CFTR: variants seen among roughly 807,000 people sequenced by gnomAD.
CFTR encodes the protein cystic fibrosis transmembrane conductance regulator.
In CFTR, 181 loss-of-function variants were observed where a neutral mutation model predicts 171.6. The ratio of observed to expected loss-of-function variants is 1.05; its 90% CI spans 0.93 to 1.19. The LOEUF is 1.19. Among genes scored for constraint, CFTR ranks in the 50% most tolerant of loss-of-function variants. The pLI is 0.00. For missense variants in CFTR, 1,968 were observed against 1,734.7 expected, an observed-to-expected ratio of 1.13 and a Z score of -2.39; for synonymous variants, 583 against 608.0, an observed-to-expected ratio of 0.96 and a Z score of 0.60.
At chr7:117,598,236 G>T (rs1157328413) in intron 15 of CFTR, among the ~76,000 whole-genome samples, 1 of 152,172 alleles carries the variant, frequency 6.6e-6, no homozygotes, top group Non-Finnish European at 1.5e-5. Flanking sequence ...CTGTGGCTTG[G>T]ATTCAGCTTG....
chr7:117,534,495 T>C (rs1798916497), intron 5 of CFTR, 130 bp downstream of exon 5: 2 of 673,098 alleles, frequency 3.0e-6, no homozygotes, highest in Admixed American at 4.3e-5. Flanking sequence ...TTCCCTATTC[T>C]GGAAACTAAG....
At chr7:117,512,527 G>C (rs1436524312) in intron 3 of CFTR, among the ~76,000 whole-genome samples, 1 of 151,416 alleles carries the variant, frequency 6.6e-6, no homozygotes, top group Non-Finnish European at 1.5e-5. Flanking sequence ...CCAGCTACTT[G>C]GGAGGCTGAG....
intron 2 of CFTR, among the ~76,000 whole-genome samples, chr7:117,508,627 G>T (rs757109160): frequency 6.6e-6 from 1 of 152,172 alleles, no homozygotes; most frequent in Non-Finnish European, 1.5e-5. Flanking sequence ...ATCTGCCACA[G>T]TTCTAAACCA....
intron 9 of CFTR, among the ~76,000 whole-genome samples, chr7:117,543,707 A>C (rs1427659680): frequency 6.6e-6 from 1 of 152,152 alleles, no homozygotes; most frequent in African/African-American, 2.4e-5. Context: ...CCTTTCACTA[A>C]ACTGTTGTCT....
At chr7:117,589,548 G>A (rs1791995999) in intron 12 of CFTR, among the ~76,000 whole-genome samples, 1 of 151,914 alleles carries the variant, frequency 6.6e-6, no homozygotes, top group African/African-American at 2.4e-5. Flanking sequence ...TATGGGAACT[G>A]TGTCTTCATC....
chr7:117,499,335 A>G (rs1329895253), intron 1 of CFTR, among the ~76,000 whole-genome samples: 1 of 151,720 alleles, frequency 6.6e-6, no homozygotes, highest in Non-Finnish European at 1.5e-5. Flanking sequence ...TAGTGATTAT[A>G]ATTGGCAAGT....
chr7:117,629,160 A>G (rs1792699622), intron 22 of CFTR, among the ~76,000 whole-genome samples: 1 of 152,112 alleles, frequency 6.6e-6, no homozygotes, highest in African/African-American at 2.4e-5. Context: ...TAGATATTTC[A>G]TTTTCTCTGA....
intron 23 of CFTR, among the ~76,000 whole-genome samples, chr7:117,651,580 T>G (rs906118079): frequency 6.6e-6 from 1 of 152,180 alleles, no homozygotes; most frequent in Non-Finnish European, 1.5e-5. Context: ...ATCTCTTATA[T>G]TCCCTCTGTA....
At position 117,652,929 on chromosome 7, in the gene CFTR, G is replaced by A. The variant is rs757100665; in HGVS notation, c.3961G>A (p.Glu1321Lys). The change falls in exon 24 of 27, where the codon GAG becomes AAG. Residue 1321 changes from glutamate (E) to lysine (K), a missense_variant and splice_region_variant. Glu to Lys is a moderately conservative substitution (Grantham distance 56). Coordinates refer to ENST00000003084, the MANE Select transcript of CFTR (RefSeq NM_000492.4). Reference sequence around the variant, plus strand: ...TCAAGAAATATGGAAAGTTGCAGATGAGGTAAGGCTGCTAACTGAAATGAT... The same window carrying A: ...TCAAGAAATATGGAAAGTTGCAGATAAGGTAAGGCTGCTAACTGAAATGAT... Reference protein sequence around the residue: ...SDQEIWKVADEVGLRSVIEQF... With the variant: ...SDQEIWKVADKVGLRSVIEQF... The A allele has an allele frequency of 1.9e-6, 3 of 1,585,866 alleles. No individual in the cohort carries two copies. Among genetic ancestry groups the A allele is most frequent in the East Asian group, 4.5e-5 (2 of 44,676 alleles).
In CFTR at chr7:117,647,694, A is replaced by AT. The variant is rs931121923; in HGVS notation, c.3873+5111dup. ...CAGCTAATACCAAAAAAAAAAAAAA[A>AT]TTTTTTTTTTAAGACATGGTCTTAC... On this transcript the variant is annotated intron_variant, in intron 23 of 26. Transcript: ENST00000003084. 8.8e-5 allele frequency among the ~76,000 whole-genome samples: 9 copies of AT among 101,994 alleles called. No individual in the cohort carries two copies. In the South Asian group the frequency reaches 9.2e-4, roughly 10 times the overall value. 66.9% of individuals were successfully genotyped at this position (101,994 alleles called of 152,430 possible).
At chr7:117,566,116 G>A (rs1791597482) in intron 11 of CFTR, among the ~76,000 whole-genome samples, 1 of 152,076 alleles carries the variant, frequency 6.6e-6, no homozygotes, top group Admixed American at 6.6e-5. Context: ...GCATTCAGTA[G>A]CCAAGATATA....
intron 5 of CFTR, 63 bp downstream of exon 5, chr7:117,534,428 G>T: frequency 1.1e-6 from 1 of 914,314 alleles, no homozygotes. Context: ...CTGGAAAGGC[G>T]GAGTTTTCCT....
intron 23 of CFTR, chr7:117,647,228 CTT>C (rs1793006824): frequency 6.6e-6 from 1 of 151,948 alleles, no homozygotes; most frequent in African/African-American, 2.4e-5. Context: ...ACCTCAGTCT[CTT>C]GGGTAGGTGG....
intron 24 of CFTR, among the ~76,000 whole-genome samples, chr7:117,657,453 A>T (rs970042116): frequency 6.6e-6 from 1 of 152,136 alleles, no homozygotes; most frequent in Non-Finnish European, 1.5e-5. Flanking sequence ...TAGGTTTTTG[A>T]TGAGTAAGCC....
chr7:117,577,770 AT>A (rs1791793222), intron 11 of CFTR, among the ~76,000 whole-genome samples: 1 of 152,138 alleles, frequency 6.6e-6, no homozygotes, highest in Non-Finnish European at 1.5e-5. Context: ...ACATAACATA[AT>A]ACATAACCAT....
intron 21 of CFTR, among the ~76,000 whole-genome samples, chr7:117,623,788 G>A (rs1792614276): frequency 6.6e-6 from 1 of 152,156 alleles, no homozygotes; most frequent in Admixed American, 6.5e-5. Context: ...TTAAGTGACT[G>A]CATGGTGCTA....
At chr7:117,606,866 A>G in intron 18 of CFTR, 113 bp downstream of exon 18, 1 of 746,506 alleles carries the variant, frequency 1.3e-6, no homozygotes, top group Non-Finnish European at 2.4e-6. Context: ...AGTCCTGTCT[A>G]TTGCATTAAT....
At chr7:117,546,077 T>C (rs2115894268) in intron 9 of CFTR, among the ~76,000 whole-genome samples, 1 of 152,174 alleles carries the variant, frequency 6.6e-6, no homozygotes, top group South Asian at 2.1e-4. Flanking sequence ...CACTGGAACC[T>C]CTGCTGCCCG....
rs576221752 is a variant in CFTR at position 117,547,749 on chromosome 7, C to T, written c.1210-892C>T. Among the ~76,000 whole-genome samples the T allele has an allele frequency of 2.6e-5, 4 of 152,196 alleles. No homozygotes were observed. The East Asian group carries it at 7.7e-4, about 29-fold the overall frequency. On this transcript the variant is annotated intron_variant, in intron 9 of 26. Coordinates refer to ENST00000003084, the MANE Select transcript of CFTR (RefSeq NM_000492.4). ...TTTGAGTCCCAGAGGTTTTCCTACT[C>T]CAGAAAGTGCAACGTAGTGAGACTA...
Sources: allele counts gnomAD v4.1 joint callset (sites outside exome capture counted in the v4.1 genomes callset), GRCh38; gene constraint gnomAD v4.1.1; transcripts MANE v1.5; gene names NCBI Gene and HGNC (gene_info 2026-07-23, HGNC 2026-07-21).